The following ADAM12 variants were observed in gnomAD, a reference collection of about 807,000 sequenced individuals.
ADAM12 encodes the protein ADAM metallopeptidase domain 12, also known as disintegrin and metalloproteinase domain-containing protein 12.
A neutral mutation model predicts 106.4 loss-of-function variants in ADAM12; 70 were observed. The ratio of observed to expected loss-of-function variants is 0.66; its 90% confidence interval spans 0.54 to 0.80. ADAM12 has a LOEUF of 0.80. Among genes scored for constraint, ADAM12 ranks in the 30% least tolerant of loss-of-function variants. The pLI, the probability that ADAM12 is intolerant of heterozygous loss-of-function variation, is 0.00. For missense variants in ADAM12, 1,010 were observed against 1,171.9 expected, an observed-to-expected ratio of 0.86 and a Z score of 2.02; for synonymous variants, 420 against 433.5, an observed-to-expected ratio of 0.97 and a Z score of 0.39.
At chr10:126,119,816 G>A (rs946252741) in intron 5 of ADAM12, among the ~76,000 whole-genome samples, 2 of 152,220 alleles carry the variant, frequency 1.3e-5, no homozygotes, top group African/African-American at 4.8e-5. Context: ...GCCTTGGGCT[G>A]TCGGGTTCCT....
intron 3 of ADAM12, among the ~76,000 whole-genome samples, chr10:126,201,484 G>T (rs1044086818): frequency 6.6e-6 from 1 of 152,138 alleles, no homozygotes. Context: ...GCGAGGAAGG[G>T]TTCCTCCCAG....
chr10:126,234,875 T>G (rs1040476272), intron 3 of ADAM12, among the ~76,000 whole-genome samples: 2 of 152,072 alleles, frequency 1.3e-5, no homozygotes, highest in African/African-American at 4.8e-5. Flanking sequence ...CAGTTCCCCA[T>G]CTCAGGGTCA....
chr10:126,199,224 A>T (rs1265945873), intron 3 of ADAM12, among the ~76,000 whole-genome samples: 1 of 152,220 alleles, frequency 6.6e-6, no homozygotes. Flanking sequence ...AAGTGTAAGA[A>T]AAAGTGATTT....
chr10:126,285,933 A>G (rs2133768514), intron 2 of ADAM12, among the ~76,000 whole-genome samples: 1 of 151,966 alleles, frequency 6.6e-6, no homozygotes, highest in Admixed American at 6.6e-5. Context: ...AGATGTGCAA[A>G]AAGTGATGAT....
At chr10:126,056,626 T>TATCCAGTTGGCCAGGGTGGCTTACCCTG (rs1158928932) in intron 14 of ADAM12, among the ~76,000 whole-genome samples, 3 of 104,102 alleles carry the variant, frequency 2.9e-5, no homozygotes, top group African/African-American at 9.7e-5. Flanking sequence ...TGCTTACTCT[T>TATCCAGTTGGCCAGGGTGGCTTACCCTG]GAGTGTGATA....
intron 11 of ADAM12, 85 bp from the exon 12 acceptor site, chr10:126,071,739 C>T (rs1431115415): frequency 1.4e-6 from 2 of 1,445,154 alleles, no homozygotes; most frequent in East Asian, 2.3e-5. Flanking sequence ...AAGGCACCCA[C>T]TGGCCACATC....
At chr10:126,221,657 A>G (rs1170155467) in intron 3 of ADAM12, among the ~76,000 whole-genome samples, 1 of 152,072 alleles carries the variant, frequency 6.6e-6, no homozygotes, top group Non-Finnish European at 1.5e-5. Flanking sequence ...GCAAGTTGCT[A>G]CTCATTCATT....
chr10:126,135,160 C>T (rs949896073), intron 5 of ADAM12, among the ~76,000 whole-genome samples: 1 of 152,226 alleles, frequency 6.6e-6, no homozygotes, highest in Non-Finnish European at 1.5e-5. Flanking sequence ...AAATTAGTTT[C>T]CTTACTTTGT....
rs146841510 is a variant in ADAM12 at position 126,228,329 on chromosome 10, C to T, written c.260+50586G>A. 3.9e-3 allele frequency among the ~76,000 whole-genome samples: 588 copies of T among 152,316 alleles called. 7 individuals are homozygous for T. Among genetic ancestry groups the T allele is most frequent in the Non-Finnish European group, 3.9e-3 (267 of 68,030 alleles). On this transcript the variant is annotated intron_variant, in intron 3 of 22. Coordinates refer to ENST00000448723, the MANE Select transcript of ADAM12 (RefSeq NM_001288973.2). ...CCTAAGATATTTTTTCCCCATTCAA[C>T]TTCCATTAAATGCATGATTCCAAGA...
At chr10:126,036,457 T>C in intron 20 of ADAM12, 132 bp from the exon 21 acceptor site, 1 of 835,968 alleles carries the variant, frequency 1.2e-6, no homozygotes, top group Non-Finnish European at 1.8e-6. Context: ...AAATCAAGGA[T>C]GTACACAAGA....
intron 3 of ADAM12, among the ~76,000 whole-genome samples, chr10:126,238,953 CAT>C (rs1293644856): frequency 2.6e-5 from 4 of 152,106 alleles, no homozygotes; most frequent in African/African-American, 9.7e-5. Context: ...ATGAATTATT[CAT>C]AGAGAAAGAG....
At chr10:126,161,383 A>G (rs763086349) in intron 3 of ADAM12, among the ~76,000 whole-genome samples, 6 of 152,176 alleles carry the variant, frequency 3.9e-5, no homozygotes, top group Non-Finnish European at 7.3e-5. Context: ...AGGTCATGCC[A>G]TCCATGACAG....
intron 3 of ADAM12, among the ~76,000 whole-genome samples, chr10:126,191,456 T>C (rs1957499554): frequency 1.3e-5 from 2 of 151,832 alleles, no homozygotes; most frequent in Non-Finnish European, 2.9e-5. Context: ...AAGGTGATGA[T>C]GGTTTGGACT....
At chr10:126,224,523 G>A (rs939256576) in intron 3 of ADAM12, among the ~76,000 whole-genome samples, 1 of 151,860 alleles carries the variant, frequency 6.6e-6, no homozygotes, top group Non-Finnish European at 1.5e-5. Context: ...GAAGGCTCTA[G>A]GGGATGGACT....
chr10:126,361,072 A>T (rs1011482527), intron 1 of ADAM12, among the ~76,000 whole-genome samples: 2 of 152,168 alleles, frequency 1.3e-5, no homozygotes, highest in African/African-American at 4.8e-5. Flanking sequence ...GAACAGCATG[A>T]GAAAGATCTG....
chr10:126,245,650 AG>A (rs1435961409), intron 3 of ADAM12, among the ~76,000 whole-genome samples: 1 of 152,198 alleles, frequency 6.6e-6, no homozygotes, highest in Non-Finnish European at 1.5e-5. Flanking sequence ...GAGGAAGGAA[AG>A]GCAGTGAAGG....
chr10:126,312,916 G>A (rs995755279), intron 2 of ADAM12, among the ~76,000 whole-genome samples: 1 of 152,198 alleles, frequency 6.6e-6, no homozygotes, highest in African/African-American at 2.4e-5. Context: ...CAAGTCTTCA[G>A]ATTTTGCAGT....
At chr10:126,020,992 CAAA>C (rs3067295) in intron 21 of ADAM12, among the ~76,000 whole-genome samples, 4,506 of 98,290 alleles carry the variant, frequency 0.046, 159 homozygotes, top group East Asian at 0.14. Context: ...GACTCTGTCT[CAAA>C]AAAAAAAAAA....
At chr10:126,032,730 G>A (rs1245712521) in intron 21 of ADAM12, among the ~76,000 whole-genome samples, 1 of 152,154 alleles carries the variant, frequency 6.6e-6, no homozygotes, top group Non-Finnish European at 1.5e-5. Flanking sequence ...CATTTTATGA[G>A]TTCATAGCTT....
Sources: gnomAD v4.1 joint callset for allele counts (sites outside exome capture counted in the v4.1 genomes callset) on GRCh38, gnomAD v4.1.1 for gene constraint, MANE v1.5 for transcripts, NCBI Gene and HGNC (gene_info 2026-07-23, HGNC 2026-07-21) for gene names.